Variants in ARHGEF10L observed in about 807,000 individuals in gnomAD.
The protein encoded by ARHGEF10L is rho guanine nucleotide exchange factor 10-like protein.
ARHGEF10L carries 69 observed loss-of-function variants against 141.2 expected under a neutral mutation model. That is an observed-to-expected ratio of 0.49 (90% CI 0.40 to 0.60). The LOEUF (loss-of-function observed/expected upper bound fraction) is 0.60, where lower values mean the gene tolerates loss of function less well. Ranked by LOEUF, ARHGEF10L falls within the 20% of genes least tolerant of loss-of-function variation. The probability of loss-of-function intolerance (pLI) is 0.00; values close to 1 mark genes in which losing one functional copy is unlikely to be tolerated. For missense variants in ARHGEF10L, 1,482 were observed against 1,734.3 expected, an observed-to-expected ratio of 0.85 and a Z score of 2.58; for synonymous variants, 711 against 718.5, an observed-to-expected ratio of 0.99 and a Z score of 0.17.
rs764094235 is a variant in ARHGEF10L, at chr1:17,613,044, G to A, written c.610-14G>A. On this transcript the variant is annotated splice_polypyrimidine_tract_variant and intron_variant, in intron 7 of 28. Coordinates refer to ENST00000361221, the MANE Select transcript of ARHGEF10L (RefSeq NM_018125.4). ...TCACCTGCTTTCCTTCTGCCTGGCC[G>A]CTTGGGGCTCCAGCTTTCTCCAGAC... 2.6e-5 allele frequency: 41 copies of A among 1,598,326 alleles called. No individual in the cohort carries two copies. The South Asian group carries it at 3.0e-4, about 12-fold the overall frequency.
rs747203430 is a variant in ARHGEF10L, at chr1:17,695,096, G to T, written c.3185-62G>T. On this transcript the variant is annotated intron_variant, in intron 27 of 28. Coordinates refer to ENST00000361221, the MANE Select transcript of ARHGEF10L (RefSeq NM_018125.4). The stretch of plus-strand genomic sequence containing the variant: ...TGTGCCAGGCCCTCATCTCGTGGTG[G>T]TACCCAGAGCCCATGCTGTCTCCCC... 4.4e-6 allele frequency: 7 copies of T among 1,606,246 alleles called. No homozygotes were observed. The South Asian group carries it at 5.5e-5, about 13-fold the overall frequency.
chr1:17,662,544 T>C (rs2062696735), intron 25 of ARHGEF10L, among the ~76,000 whole-genome samples: 1 of 152,194 alleles, frequency 6.6e-6, no homozygotes, highest in Admixed American at 6.5e-5. Context: ...GGGGAGTCCC[T>C]GTTCCCCTGC....
intron 4 of ARHGEF10L, among the ~76,000 whole-genome samples, chr1:17,597,828 C>G (rs541396408): frequency 6.6e-6 from 1 of 152,302 alleles, no homozygotes; most frequent in South Asian, 2.1e-4. Context: ...CGAGGAGGAG[C>G]CTCCCCCTGC....
chr1:17,633,797 A>G (rs1307825222), intron 16 of ARHGEF10L, among the ~76,000 whole-genome samples: 1 of 152,182 alleles, frequency 6.6e-6, no homozygotes, highest in Non-Finnish European at 1.5e-5. Context: ...CCCTGTACCG[A>G]GTCAGCTTGG....
rs1047399667 is a variant in ARHGEF10L, at chr1:17,616,167, G to A, written c.800G>A (p.Arg267His). 6.8e-6 allele frequency: 11 copies of A among 1,612,984 alleles called. No homozygotes were observed. Among genetic ancestry groups the A allele is most frequent in the African/African-American group, 2.7e-5 (2 of 74,910 alleles). The stretch of plus-strand genomic sequence containing the variant: ...GAGAAGACACGGATGGCCGTGATGC[G>A]CAAAGTCTCCTTCCTGCACAGGAAG... ...GLEKTRMAVM[R>H]KVSFLHRKDV... The change falls in exon 9 of 29, where the codon CGC (arginine) becomes CAC (histidine). Residue 267 changes from arginine (R) to histidine (H), a missense_variant. Around this residue, in one of 3 missense-constraint regions of ARHGEF10L, gnomAD observed 392 missense variants for 542.1 expected, o/e 0.72. Transcript: ENST00000361221.
At chr1:17,570,633 A>G (rs1570531294) in intron 1 of ARHGEF10L, among the ~76,000 whole-genome samples, 1 of 152,002 alleles carries the variant, frequency 6.6e-6, no homozygotes, top group Non-Finnish European at 1.5e-5. Flanking sequence ...CCAGGCTCTG[A>G]GCGGAGGATG....
chr1:17,632,485 G>A lies in ARHGEF10L; in HGVS notation c.1730+19G>A. On this transcript the variant is annotated intron_variant, in intron 16 of 28. Transcript: ENST00000361221. Reference sequence around the variant, plus strand: ...ACTTCAAGTAAGTGGGCCTGGGTTGGAGGGGGCAATCACCCCTCCCTGGAG... The same window carrying A: ...ACTTCAAGTAAGTGGGCCTGGGTTGAAGGGGGCAATCACCCCTCCCTGGAG... The A allele has an allele frequency of 6.2e-7, 1 of 1,613,906 alleles. No homozygotes were observed. Among genetic ancestry groups the A allele is most frequent in the South Asian group, 1.1e-5 (1 of 91,064 alleles).
intron 14 of ARHGEF10L, among the ~76,000 whole-genome samples, 191 bp downstream of exon 14, chr1:17,626,239 G>C (rs541655564): frequency 6.6e-6 from 1 of 152,268 alleles, no homozygotes; most frequent in South Asian, 2.1e-4. Flanking sequence ...AGCTCAGTTT[G>C]CACGCCCCTC....
intron 27 of ARHGEF10L, among the ~76,000 whole-genome samples, chr1:17,693,429 T>C (rs2065245978): frequency 6.6e-6 from 1 of 152,194 alleles, no homozygotes; most frequent in Non-Finnish European, 1.5e-5. Context: ...ATGCTGGGTG[T>C]ACCCCGAGTC....
chr1:17,595,903 C>T (rs1570735176), intron 4 of ARHGEF10L, among the ~76,000 whole-genome samples: 1 of 152,204 alleles, frequency 6.6e-6, no homozygotes, highest in East Asian at 1.9e-4. Flanking sequence ...AGTGCTTTAT[C>T]TGCATCATCT....
At chr1:17,618,782 G>A (rs530121803) in intron 9 of ARHGEF10L, among the ~76,000 whole-genome samples, 9 of 152,100 alleles carry the variant, frequency 5.9e-5, no homozygotes, top group African/African-American at 1.2e-4. Flanking sequence ...ATCTCATTCC[G>A]TCCTCCGTCT....
At chr1:17,633,020 C>T (rs2060792261) in intron 16 of ARHGEF10L, among the ~76,000 whole-genome samples, 1 of 152,218 alleles carries the variant, frequency 6.6e-6, no homozygotes. Flanking sequence ...GGCTTTAGGC[C>T]AGAGCCTGAA....
chr1:17,538,928 T>C (rs2076623989), upstream of ARHGEF10L, among the ~76,000 whole-genome samples: 1 of 152,172 alleles, frequency 6.6e-6, no homozygotes, highest in Non-Finnish European at 1.5e-5. Context: ...TAACTGTAAT[T>C]AATTGCATCA....
At chr1:17,588,137 G>T (rs916899884) in intron 3 of ARHGEF10L, among the ~76,000 whole-genome samples, 2 of 152,204 alleles carry the variant, frequency 1.3e-5, no homozygotes, top group African/African-American at 4.8e-5. Context: ...CTTCCTGCAG[G>T]CTTGGGGACA....
the ARHGEF10L span, among the ~76,000 whole-genome samples, chr1:17,520,405 CT>C: frequency 6.6e-6 from 1 of 152,246 alleles, no homozygotes; most frequent in African/African-American, 2.4e-5. Context: ...GGGGCTGCCC[CT>C]GTCACTTGTG....
At chr1:17,638,293 T>C (rs2061133189) in intron 19 of ARHGEF10L, among the ~76,000 whole-genome samples, 1 of 152,220 alleles carries the variant, frequency 6.6e-6, no homozygotes, top group African/African-American at 2.4e-5. Context: ...TGGCCCCTCC[T>C]GGGCCTCTAC....
At position 17,587,509 on chromosome 1, in the gene ARHGEF10L, C is replaced by A. The variant is rs200487906; in HGVS notation, c.87C>A (p.Asp29Glu). 4 of 1,614,114 alleles carry A rather than the reference C, an allele frequency of 2.5e-6. No individual in the cohort carries two copies. The South Asian group carries it at 3.3e-5, about 13-fold the overall frequency. The change falls in exon 3 of 29, where the codon GAC (aspartate) becomes GAA (glutamate). Residue 29 changes from aspartate (D) to glutamate (E), a missense_variant. This residue lies in a region of ARHGEF10L where 232 missense variants were observed against 225.9 expected (regional missense o/e 1.03). Coordinates refer to ENST00000361221, the MANE Select transcript of ARHGEF10L (RefSeq NM_018125.4). ...CAGGCCCCTCCTCTGAGGCAGAGGA[C>A]GACCCAGGAGAGGCGTTTGAGTTTG... ...GVPGPSSEAE[D>E]DPGEAFEFDD...
chr1:17,563,265 C>T (rs553239293), intron 1 of ARHGEF10L, among the ~76,000 whole-genome samples: 194 of 150,120 alleles, frequency 1.3e-3, no homozygotes, highest in African/African-American at 4.0e-3. Context: ...GACAGGGTCT[C>T]GTTCCATTGC....
the ARHGEF10L span, among the ~76,000 whole-genome samples, chr1:17,526,508 G>A: frequency 6.6e-6 from 1 of 152,196 alleles, no homozygotes; most frequent in African/African-American, 2.4e-5. Context: ...AGGGTTATGA[G>A]TTATCCCAGG....
Sources: gnomAD v4.1 joint callset for allele counts (sites outside exome capture counted in the v4.1 genomes callset) on GRCh38, gnomAD v4.1.1 for gene constraint, gnomAD v4.1.1 regional missense constraint, MANE v1.5 for transcripts, NCBI Gene and HGNC (gene_info 2026-07-23, HGNC 2026-07-21) for gene names.